Variants in H2AZ1 observed in about 807,000 individuals in gnomAD.
H2AZ1 encodes H2A.Z variant histone 1.
H2AZ1 carries 3 observed loss-of-function variants against 16.6 expected under a neutral mutation model. The ratio of observed to expected loss-of-function variants is 0.18; its 90% confidence interval spans 0.08 to 0.47. H2AZ1 has a LOEUF of 0.47. Ranked by LOEUF, H2AZ1 falls within the 20% of genes least tolerant of loss-of-function variation. H2AZ1 has a pLI of 0.98. For synonymous variants in H2AZ1, 78 were observed against 60.7 expected, an observed-to-expected ratio of 1.28 and a Z score of -1.32; for missense variants, 27 against 163.6, an observed-to-expected ratio of 0.17 and a Z score of 4.55.
At chr4:99,949,609 A>T (rs771892969) in intron 2 of H2AZ1, 54 bp downstream of exon 2, 3 of 1,522,756 alleles carry the variant, frequency 2.0e-6, no homozygotes, top group Admixed American at 1.7e-5. Flanking sequence ...ATAACAAAAA[A>T]GGAAATGCAA....
intron 4 of H2AZ1, 63 bp from the exon 5 acceptor site, chr4:99,948,586 C>G (rs1727191856): frequency 1.3e-6 from 2 of 1,597,274 alleles, no homozygotes; most frequent in Non-Finnish European, 1.7e-6. Flanking sequence ...TATTTGAAAC[C>G]AAGAAAGTGT....
intron 4 of H2AZ1, 126 bp from the exon 5 acceptor site, chr4:99,948,649 TA>T (rs1457381838): frequency 1.3e-6 from 2 of 1,482,946 alleles, no homozygotes; most frequent in African/African-American, 2.8e-5. Flanking sequence ...AAGTATGAAG[TA>T]AAAATTCATT....
chr4:99,949,187 G>C (rs1211468606), intron 3 of H2AZ1, 86 bp downstream of exon 3: 2 of 808,366 alleles, frequency 2.5e-6, no homozygotes, highest in Admixed American at 2.5e-5. Flanking sequence ...GGGCCTGGGA[G>C]TTTTCTTGCA....
At chr4:99,948,556 G>T in intron 4 of H2AZ1, 33 bp from the exon 5 acceptor site, 1 of 1,606,538 alleles carries the variant, frequency 6.2e-7, no homozygotes, top group South Asian at 1.1e-5. Flanking sequence ...TTCTACTTAA[G>T]ATTTTTTAAA....
chr4:99,948,798 G>A lies in H2AZ1; in HGVS notation c.325+13C>T, dbSNP rs540936185. 1.9e-6 allele frequency: 3 copies of A among 1,594,594 alleles called. No individual in the cohort carries two copies. Among genetic ancestry groups the A allele is most frequent in the African/African-American group, 2.7e-5 (2 of 73,776 alleles). On this transcript the variant is annotated intron_variant, in intron 4 of 4. Coordinates refer to ENST00000296417, the MANE Select transcript of H2AZ1 (RefSeq NM_002106.4). ...TCTGAAGAAATTTTTTAAAATGTTA[G>A]AAGTTAACATACCACCACCAGCAAT...
chr4:99,948,427 TAG>T lies in H2AZ1; in HGVS notation c.*33_*34del, dbSNP rs770555205. The T allele has an allele frequency of 1.7e-5, 20 of 1,144,530 alleles. No homozygotes were observed. The highest frequency in any genetic ancestry group is 2.7e-5 in the Non-Finnish European group (20 of 751,766). 70.9% of individuals were successfully genotyped at this position (1,144,530 alleles called of 1,614,324 possible). The stretch of plus-strand genomic sequence containing the variant: ...AACACTGGACAGCTGTTAGAGTATT[TAG>T]AGTCCTGAGATAACAAGGAATCCAG... On this transcript the variant is annotated 3_prime_UTR_variant, in exon 5 of 5. Transcript: ENST00000296417.
Position 99,949,345 on chromosome 4 carries a change from C to T in H2AZ1, c.123G>A (p.Thr41=). 6.2e-7 allele frequency: 1 copy of T among 1,613,084 alleles called. No individual in the cohort carries two copies. The highest frequency in any genetic ancestry group is 1.7e-5 in the Admixed American group (1 of 60,022). Residue 41 remains threonine, a synonymous_variant, in exon 3 of 5, where the codon ACG becomes ACA. Transcript: ENST00000296417. Reference sequence around the variant, plus strand: ...TCGCGCCCACACGTCCATGACTGGTCGTCCTAGATTTTAGGTGTCGATGAA... The same window carrying T: ...TCGCGCCCACACGTCCATGACTGGTTGTCCTAGATTTTAGGTGTCGATGAA... The part of the protein sequence containing the change: ...GRIHRHLKSR[T]TSHGRVGATA...
intron 4 of H2AZ1, 115 bp downstream of exon 4, chr4:99,948,696 C>T (rs1208708548): frequency 6.9e-7 from 1 of 1,458,512 alleles, no homozygotes; most frequent in Non-Finnish European, 9.2e-7. Context: ...ATGATACAAC[C>T]ATACTTCCAT....
chr4:99,949,309 C>G lies in H2AZ1; in HGVS notation c.159G>C (p.Val53=). 6.2e-7 allele frequency: 1 copy of G among 1,612,244 alleles called. No individual in the cohort carries two copies. Among genetic ancestry groups the G allele is most frequent in the Non-Finnish European group, 8.5e-7 (1 of 1,178,684 alleles). Residue 53 remains valine (V), a synonymous_variant, in exon 3 of 5, where the codon GTG becomes GTC. Transcript: ENST00000296417. Reference sequence around the variant, plus strand: ...GGTACTCCAGGATGGCTGCGCTGTACACAGCGGCAGTCGCGCCCACACGTC... The same window carrying G: ...GGTACTCCAGGATGGCTGCGCTGTAGACAGCGGCAGTCGCGCCCACACGTC... ...SHGRVGATAA[V]YSAAILEYLT...
chr4:99,949,186 A>T (rs1727210228), intron 3 of H2AZ1, 87 bp downstream of exon 3: 1 of 788,042 alleles, frequency 1.3e-6, no homozygotes, highest in African/African-American at 1.7e-5. Context: ...AGGGCCTGGG[A>T]GTTTTCTTGC....
At position 99,949,650 on chromosome 4, in the gene H2AZ1, A is replaced by C. The variant is rs757838909; in HGVS notation, c.81+13T>G. On this transcript the variant is annotated intron_variant, in intron 2 of 4. Transcript: ENST00000296417. ...AACATCATGACTCCCAGACTGCACG[A>C]ACAACTACTGACCTGCAAGCCGGCT... 2 of 1,610,202 alleles carry C rather than the reference A, an allele frequency of 1.2e-6. No homozygotes were observed. The highest frequency in any genetic ancestry group is 1.7e-5 in the Admixed American group (1 of 60,016).
chr4:99,950,006 G>T, intron 1 of H2AZ1, 162 bp downstream of exon 1: 2 of 587,474 alleles, frequency 3.4e-6, no homozygotes, highest in Non-Finnish European at 5.8e-6. Context: ...GAGATCCGAG[G>T]CTGCTCCGCT....
At position 99,950,250 on chromosome 4, in the gene H2AZ1, C is replaced by G. The variant is rs564728683; in HGVS notation, c.-80G>C. On this transcript the variant is annotated 5_prime_UTR_variant, in exon 1 of 5. Transcript: ENST00000296417. Reference sequence around the variant, plus strand: ...CACGGTGAGATCCCACCACCTACTCCTTCGTCGCACCGCGATTCAAACTGC... The same window carrying G: ...CACGGTGAGATCCCACCACCTACTCGTTCGTCGCACCGCGATTCAAACTGC... 1.5e-6 allele frequency: 2 copies of G among 1,337,888 alleles called. No individual in the cohort carries two copies. Among genetic ancestry groups the G allele is most frequent in the Admixed American group, 3.6e-5 (2 of 55,032 alleles). 82.9% of individuals were successfully genotyped at this position (1,337,888 alleles called of 1,614,324 possible).
chr4:99,949,519 C>A (rs1560756064), intron 2 of H2AZ1, 133 bp from the exon 3 acceptor site: 3 of 990,178 alleles, frequency 3.0e-6, no homozygotes, highest in Non-Finnish European at 4.9e-6. Context: ...ATTCCTCCCC[C>A]CCATATTTAT....
chr4:99,948,789 A>T (rs1158898526), intron 4 of H2AZ1, 22 bp downstream of exon 4: 6 of 1,575,168 alleles, frequency 3.8e-6, no homozygotes, highest in Non-Finnish European at 4.3e-6. Context: ...GAAATTTTTT[A>T]AAATGTTAGA....
Position 99,949,748 on chromosome 4 carries a change from GCGCA to G in H2AZ1, c.4-12_4-9del, listed in dbSNP as rs1158845925. On this transcript the variant is annotated splice_polypyrimidine_tract_variant and intron_variant, in intron 1 of 4. Coordinates refer to ENST00000296417, the MANE Select transcript of H2AZ1 (RefSeq NM_002106.4). ...TCCAGCCTTACCGCCAGCCTGCGGC[GCGCA>G]CACGCCCGCGAGCGGAGGAGGAACG... The G allele has an allele frequency of 1.2e-6, 2 of 1,604,936 alleles. No homozygotes were observed. Among genetic ancestry groups the G allele is most frequent in the Non-Finnish European group, 1.7e-6 (2 of 1,174,918 alleles).
In H2AZ1 at chr4:99,948,214, CTCAA is replaced by C. The variant is rs2110232830; in HGVS notation, c.*244_*247del. 1.5e-6 allele frequency: 1 copy of C among 664,866 alleles called. No individual in the cohort carries two copies. The highest frequency in any genetic ancestry group is 2.7e-6 in the Non-Finnish European group (1 of 365,236). 41.2% of individuals were successfully genotyped at this position (664,866 alleles called of 1,614,324 possible). The stretch of plus-strand genomic sequence containing the variant: ...CAAACAGTTTTTTAAAAACAGTCAA[CTCAA>C]TCAAAACCCACTACTTCAGAATCAA... On this transcript the variant is annotated 3_prime_UTR_variant, in exon 5 of 5. Coordinates refer to ENST00000296417, the MANE Select transcript of H2AZ1 (RefSeq NM_002106.4).
chr4:99,948,728 T>C (rs75993900), intron 4 of H2AZ1, 83 bp downstream of exon 4: 2 of 1,521,480 alleles, frequency 1.3e-6, no homozygotes, highest in South Asian at 1.3e-5. Context: ...TACTTAAATT[T>C]CCTCTCCTGG....
In H2AZ1 at chr4:99,948,386, G is replaced by A; in HGVS notation, c.*76C>T. 1 of 902,086 alleles carries A rather than the reference G, an allele frequency of 1.1e-6. No individual in the cohort carries two copies. The highest frequency in any genetic ancestry group is 1.9e-6 in the Non-Finnish European group (1 of 532,152). The allele number at this position is 902,086 out of a possible 1,614,324, so 55.9% of individuals were successfully genotyped here. A position where few individuals can be genotyped will look rare whatever the true frequency, so the allele number is the denominator to read the frequency against. ...AAATTGTGTTTTTCACAGAGATACA[G>A]TCCACTGGAATCACCAACACTGGAC... On this transcript the variant is annotated 3_prime_UTR_variant, in exon 5 of 5. Transcript: ENST00000296417.
Sources: gnomAD v4.1 joint callset for allele counts on GRCh38, gnomAD v4.1.1 for gene constraint, MANE v1.5 for transcripts, NCBI Gene and HGNC (gene_info 2026-07-23, HGNC 2026-07-21) for gene names.